Variants in DOCK7 observed in about 807,000 individuals in gnomAD.
DOCK7 encodes the protein dedicator of cytokinesis protein 7.
DOCK7 carries 138 observed loss-of-function variants against 271.0 expected under a neutral mutation model. The observed-to-expected ratio is 0.51, with a 90% CI of 0.44 to 0.59. The LOEUF is 0.59. DOCK7 is among the 20% of genes least tolerant of loss of function. The pLI, the probability that DOCK7 is intolerant of heterozygous loss-of-function variation, is 0.00. For synonymous variants in DOCK7, 823 were observed against 876.1 expected, an observed-to-expected ratio of 0.94 and a Z score of 1.07; for missense variants, 2,066 against 2,592.4, an observed-to-expected ratio of 0.80 and a Z score of 4.41.
intron 22 of DOCK7, among the ~76,000 whole-genome samples, chr1:62,551,329 T>C (rs1034348863): frequency 6.8e-6 from 1 of 147,628 alleles, no homozygotes; most frequent in Admixed American, 6.8e-5. Flanking sequence ...TACACTAACA[T>C]TAATGACAGC....
chr1:62,661,566 G>A (rs897086811), intron 2 of DOCK7, among the ~76,000 whole-genome samples: 5 of 151,086 alleles, frequency 3.3e-5, no homozygotes, highest in African/African-American at 1.2e-4. Context: ...ATTATTTCTA[G>A]GGCAGTATAT....
intron 1 of DOCK7, among the ~76,000 whole-genome samples, chr1:62,682,190 C>T (rs1661247350): frequency 6.6e-6 from 1 of 152,154 alleles, no homozygotes; most frequent in Non-Finnish European, 1.5e-5. Context: ...TCACAGTTAA[C>T]CTTAAAATCC....
At chr1:62,597,053 C>A (rs529271399) in intron 14 of DOCK7, among the ~76,000 whole-genome samples, 16 of 152,156 alleles carry the variant, frequency 1.1e-4, no homozygotes, top group Admixed American at 3.3e-4. Flanking sequence ...CATTGAGAGC[C>A]GTAACACCAC....
chr1:62,659,470 AG>A (rs1658417853), intron 2 of DOCK7, among the ~76,000 whole-genome samples: 2 of 152,326 alleles, frequency 1.3e-5, no homozygotes, highest in Non-Finnish European at 2.9e-5. Context: ...CCAGAGAAGT[AG>A]AAAAAAAGAA....
At chr1:62,583,152 G>C (rs1347507342) in intron 16 of DOCK7, 32 bp downstream of exon 16, 2 of 1,557,472 alleles carry the variant, frequency 1.3e-6, no homozygotes, top group Non-Finnish European at 1.8e-6. Context: ...TGAGAAGTGA[G>C]TAACTTTGAA....
At chr1:62,686,970 G>A (rs1661850272) in intron 1 of DOCK7, among the ~76,000 whole-genome samples, 1 of 152,040 alleles carries the variant, frequency 6.6e-6, no homozygotes, top group Non-Finnish European at 1.5e-5. Flanking sequence ...TGGGGTGGGG[G>A]GGACTCGCTA....
intron 21 of DOCK7, among the ~76,000 whole-genome samples, chr1:62,554,644 AC>A (rs1646078389): frequency 6.6e-6 from 1 of 152,290 alleles, no homozygotes; most frequent in South Asian, 2.1e-4. Context: ...TGATATTAAT[AC>A]ATACCTGTTG....
chr1:62,645,873 C>T (rs762643559), intron 7 of DOCK7, among the ~76,000 whole-genome samples: 53 of 152,224 alleles, frequency 3.5e-4, no homozygotes, highest in East Asian at 7.7e-4. Context: ...CTCGGCCAGG[C>T]GTGGTGGCTC....
At chr1:62,586,815 A>G (rs950039758) in intron 14 of DOCK7, among the ~76,000 whole-genome samples, 191 bp from the exon 15 acceptor site, 2 of 152,166 alleles carry the variant, frequency 1.3e-5, no homozygotes, top group Non-Finnish European at 2.9e-5. Context: ...GCAATAAAAC[A>G]TGTCCCAATT....
chr1:62,542,502 C>T lies in DOCK7; in HGVS notation c.3045+106G>A, dbSNP rs56310095. 4.3e-3 allele frequency: 4,625 copies of T among 1,085,972 alleles called. 123 individuals carry two copies. The African/African-American group carries it at 0.061, about 14-fold the overall frequency. 67.3% of individuals were successfully genotyped at this position (1,085,972 alleles called of 1,614,324 possible). On this transcript the variant is annotated intron_variant, in intron 25 of 49. Coordinates refer to ENST00000635253, the MANE Select transcript of DOCK7 (RefSeq NM_001367561.1). ...TTTGTCTTAGAGGCACATGGAAAAG[C>T]GTTAAGATGTGCAACAGAAAAAGAT...
chr1:62,486,698 A>G (rs752305705), intron 43 of DOCK7: 5 of 152,244 alleles, frequency 3.3e-5, no homozygotes, highest in Admixed American at 1.3e-4. Context: ...GTCAAATTAA[A>G]TTATAAGTTC....
intron 18 of DOCK7, among the ~76,000 whole-genome samples, chr1:62,568,854 T>C (rs878896155): frequency 6.8e-6 from 1 of 146,630 alleles, no homozygotes; most frequent in South Asian, 2.2e-4. Flanking sequence ...GCTAGATTAA[T>C]AAAGAAGGAA....
chr1:62,611,164 C>T (rs1651739287), intron 14 of DOCK7, among the ~76,000 whole-genome samples: 1 of 152,050 alleles, frequency 6.6e-6, no homozygotes, highest in Non-Finnish European at 1.5e-5. Flanking sequence ...TAACCTGAGG[C>T]CAGATCATGT....
intron 1 of DOCK7, among the ~76,000 whole-genome samples, chr1:62,669,081 T>A (rs942806940): frequency 6.6e-6 from 1 of 152,196 alleles, no homozygotes; most frequent in Non-Finnish European, 1.5e-5. Context: ...TCCATACAAT[T>A]GAGTGTCTAA....
Position 62,535,524 on chromosome 1 carries a change from G to A in DOCK7, c.3580C>T (p.Leu1194=), listed in dbSNP as rs1449772018. The A allele has an allele frequency of 6.2e-7, 1 of 1,613,954 alleles. No homozygotes were observed. The highest frequency in any genetic ancestry group is 8.5e-7 in the Non-Finnish European group (1 of 1,179,928). The change falls in exon 29 of 50, where the codon CTG becomes TTG. Residue 1194 remains leucine (L), a synonymous_variant. Coordinates refer to ENST00000635253, the MANE Select transcript of DOCK7 (RefSeq NM_001367561.1). ...GCATCAGGGTCTAAAATGACAGCCA[G>A]CTCTGTTAACACAAGTCCTGCCAAA... The part of the protein sequence containing the change: ...HYLAGLVLTE[L]AVILDPDAEG...
intron 10 of DOCK7, among the ~76,000 whole-genome samples, chr1:62,633,183 C>A (rs1654835641): frequency 6.6e-6 from 1 of 151,816 alleles, no homozygotes; most frequent in Non-Finnish European, 1.5e-5. Context: ...AGGAGTTAAA[C>A]TGAATTAATT....
At chr1:62,497,590 A>G (rs1476131511) in intron 37 of DOCK7, among the ~76,000 whole-genome samples, 3 of 152,294 alleles carry the variant, frequency 2.0e-5, no homozygotes, top group African/African-American at 4.8e-5. Flanking sequence ...ATGTGTTCCA[A>G]TATATCCTTT....
intron 14 of DOCK7, among the ~76,000 whole-genome samples, chr1:62,603,353 A>G (rs1650438223): frequency 6.6e-6 from 1 of 151,828 alleles, no homozygotes; most frequent in Non-Finnish European, 1.5e-5. Context: ...GATTGTGATG[A>G]AGAACAATCT....
intron 48 of DOCK7, among the ~76,000 whole-genome samples, chr1:62,467,130 C>G (rs147552708): frequency 1.1e-3 from 164 of 152,234 alleles, no homozygotes; most frequent in African/African-American, 3.6e-3. Context: ...AGGATTATAC[C>G]ATTGAAAATG....
Sources: allele counts gnomAD v4.1 joint callset (sites outside exome capture counted in the v4.1 genomes callset), GRCh38; gene constraint gnomAD v4.1.1; transcripts MANE v1.5; gene names NCBI Gene and HGNC (gene_info 2026-07-23, HGNC 2026-07-21).